The following ZZZ3 variants were observed in gnomAD, a reference collection of about 807,000 sequenced individuals.
The protein encoded by ZZZ3 is ZZ-type zinc finger-containing protein 3.
Under a neutral mutation model 95.2 loss-of-function variants are expected in ZZZ3, and 22 were observed. The ratio of observed to expected loss-of-function variants is 0.23; its 90% confidence interval spans 0.17 to 0.33. The LOEUF (loss-of-function observed/expected upper bound fraction) is 0.33. Among genes scored for constraint, ZZZ3 ranks in the 10% least tolerant of loss-of-function variants. The pLI, the probability that ZZZ3 is intolerant of heterozygous loss-of-function variation, is 1.00. For missense variants in ZZZ3, 885 were observed against 1,066.5 expected, an observed-to-expected ratio of 0.83 and a Z score of 2.37; for synonymous variants, 335 against 358.9, an observed-to-expected ratio of 0.93 and a Z score of 0.75.
chr1:77,655,109 G>A lies in ZZZ3; in HGVS notation c.-402-13454C>T, dbSNP rs992924195. 7.2e-5 allele frequency among the ~76,000 whole-genome samples: 11 copies of A among 152,100 alleles called. No homozygotes were observed. In the South Asian group the frequency reaches 1.7e-3, roughly 23 times the overall value. ...TGAGCGTGCTAATGTGCTAGCTCAG[G>A]TCTCTCTTCTTCTTATAAAGCCACC... On this transcript the variant is annotated intron_variant, in intron 1 of 14. Transcript: ENST00000370801.
chr1:77,669,696 G>A (rs1455182812), intron 1 of ZZZ3, among the ~76,000 whole-genome samples: 1 of 151,874 alleles, frequency 6.6e-6, no homozygotes, highest in Non-Finnish European at 1.5e-5. Flanking sequence ...AACCTCAGGC[G>A]ATGCACCCAC....
At chr1:77,635,027 G>A (rs1668171989) in intron 4 of ZZZ3, among the ~76,000 whole-genome samples, 4 of 152,088 alleles carry the variant, frequency 2.6e-5, no homozygotes, top group Admixed American at 2.6e-4. Flanking sequence ...ACCTCCAAAT[G>A]CCATTCTGAC....
chr1:77,682,822 A>G (rs1672918220), upstream of ZZZ3: 1 of 152,274 alleles, frequency 6.6e-6, no homozygotes, highest in Non-Finnish European at 1.5e-5. Flanking sequence ...GACAGTAGGA[A>G]GTCTTTCCGC....
chr1:77,634,030 T>C (rs1288001523), intron 4 of ZZZ3, among the ~76,000 whole-genome samples: 5 of 151,814 alleles, frequency 3.3e-5, no homozygotes, highest in Non-Finnish European at 7.4e-5. Flanking sequence ...ATTAGCCAGG[T>C]GTGGTGGCAC....
intron 1 of ZZZ3, among the ~76,000 whole-genome samples, chr1:77,648,463 A>C (rs921546829): frequency 6.6e-6 from 1 of 152,156 alleles, no homozygotes; most frequent in African/African-American, 2.4e-5. Flanking sequence ...TAAGAATACT[A>C]AATCAGTTAT....
At chr1:77,659,574 T>C (rs1235539986) in intron 1 of ZZZ3, among the ~76,000 whole-genome samples, 1 of 150,620 alleles carries the variant, frequency 6.6e-6, no homozygotes, top group Non-Finnish European at 1.5e-5. Flanking sequence ...GTAATCCTAC[T>C]CAGGAGGCTG....
chr1:77,667,763 C>CTTTTT (rs34939314), intron 1 of ZZZ3, among the ~76,000 whole-genome samples: 4 of 115,108 alleles, frequency 3.5e-5, no homozygotes, highest in Admixed American at 8.8e-5. Context: ...AATGGGTATT[C>CTTTTT]TTTTTTTTTT....
At position 77,606,012 on chromosome 1, in the gene ZZZ3, T is replaced by TG. The variant is rs377378373; in HGVS notation, c.1506-21358dup. 6.3e-4 allele frequency among the ~76,000 whole-genome samples: 96 copies of TG among 152,302 alleles called. No homozygotes were observed. In the Middle Eastern group the frequency reaches 0.01, roughly 16 times the overall value. On this transcript the variant is annotated intron_variant, in intron 5 of 14. Coordinates refer to ENST00000370801, the MANE Select transcript of ZZZ3 (RefSeq NM_015534.6). The stretch of plus-strand genomic sequence containing the variant: ...ACCTTAAGTATCAGCTCAGCCACAG[T>TG]GGGATAGAGCACCAAGCAGGCTCTT...
intron 1 of ZZZ3, among the ~76,000 whole-genome samples, chr1:77,648,530 G>A (rs1669506139): frequency 1.3e-5 from 2 of 152,140 alleles, no homozygotes; most frequent in South Asian, 4.1e-4. Flanking sequence ...GCTAAGTAGA[G>A]ATACGTAAGT....
intron 5 of ZZZ3, among the ~76,000 whole-genome samples, chr1:77,600,895 T>C (rs573068894): frequency 2.6e-5 from 4 of 152,328 alleles, no homozygotes; most frequent in African/African-American, 4.8e-5. Context: ...AAACCAAGAC[T>C]GGACTCAGAC....
chr1:77,683,100 AGCCGT>A (rs1465509073), upstream of ZZZ3, among the ~76,000 whole-genome samples: 2 of 5,112 alleles, frequency 3.9e-4, no homozygotes, highest in Non-Finnish European at 7.2e-4. Flanking sequence ...TCGCCGTCGC[AGCCGT>A]CGCAGCCGTC....
chr1:77,582,506 C>T (rs1662621056), intron 6 of ZZZ3, among the ~76,000 whole-genome samples: 1 of 151,898 alleles, frequency 6.6e-6, no homozygotes, highest in African/African-American at 2.4e-5. Context: ...CTAAAACAAA[C>T]AAGTTACCAG....
chr1:77,678,295 T>C (rs1672447661), intron 1 of ZZZ3, among the ~76,000 whole-genome samples: 1 of 152,078 alleles, frequency 6.6e-6, no homozygotes, highest in Non-Finnish European at 1.5e-5. Flanking sequence ...AGTAGAAAGA[T>C]AAATAGGTTA....
intron 5 of ZZZ3, among the ~76,000 whole-genome samples, chr1:77,598,605 G>T (rs141884690): frequency 1.3e-5 from 2 of 152,088 alleles, no homozygotes; most frequent in East Asian, 3.9e-4. Flanking sequence ...AAGAGATCCC[G>T]TCTGATTAAT....
intron 1 of ZZZ3, among the ~76,000 whole-genome samples, chr1:77,672,670 T>C (rs1237904702): frequency 2.0e-5 from 3 of 152,228 alleles, no homozygotes; most frequent in African/African-American, 7.2e-5. Context: ...GCCATATAGC[T>C]ACAAATAAAT....
chr1:77,661,728 A>C (rs1570640703), intron 1 of ZZZ3, among the ~76,000 whole-genome samples: 2 of 152,078 alleles, frequency 1.3e-5, no homozygotes, highest in South Asian at 4.1e-4. Flanking sequence ...GGCACTCAAA[A>C]TTGCTTTCTT....
At chr1:77,611,251 C>CAAAAAAAAAAAAAAAAAAAAA (rs1377286716) in intron 5 of ZZZ3, among the ~76,000 whole-genome samples, 1 of 113,758 alleles carries the variant, frequency 8.8e-6, no homozygotes, top group Non-Finnish European at 1.7e-5. Context: ...AAAAAAAAAA[C>CAAAAAAAAAAAAAAAAAAAAA]AACCCACATG....
chr1:77,668,519 T>C (rs1671451014), intron 1 of ZZZ3, among the ~76,000 whole-genome samples: 1 of 152,090 alleles, frequency 6.6e-6, no homozygotes, highest in African/African-American at 2.4e-5. Flanking sequence ...TCTATATAAG[T>C]AGAAAGTACC....
intron 1 of ZZZ3, among the ~76,000 whole-genome samples, chr1:77,660,870 A>G (rs1670716967): frequency 6.6e-6 from 1 of 152,186 alleles, no homozygotes; most frequent in South Asian, 2.1e-4. Flanking sequence ...ATTTCTTCCA[A>G]TTATATACAG....
Sources: allele counts gnomAD v4.1 joint callset (sites outside exome capture counted in the v4.1 genomes callset), GRCh38; gene constraint gnomAD v4.1.1; transcripts MANE v1.5; gene names NCBI Gene and HGNC (gene_info 2026-07-23, HGNC 2026-07-21).